IGF1R: variants seen among roughly 807,000 people sequenced by gnomAD.
IGF1R encodes insulin like growth factor 1 receptor.
IGF1R carries 44 observed loss-of-function variants against 144.6 expected under a neutral mutation model. The ratio of observed to expected loss-of-function variants is 0.30; its 90% CI spans 0.24 to 0.39. The LOEUF (loss-of-function observed/expected upper bound fraction) is 0.39. Ranked by LOEUF, IGF1R falls within the 10% of genes least tolerant of loss-of-function variation. The pLI, the probability that IGF1R is intolerant of heterozygous loss-of-function variation, is 1.00. For missense variants in IGF1R, 1,355 were observed against 1,833.7 expected (o/e 0.74, Z 4.77); for synonymous variants, 795 against 722.8 (o/e 1.10, Z -1.60).
intron 2 of IGF1R, among the ~76,000 whole-genome samples, chr15:98,879,776 A>AT (rs1279539815): frequency 2.0e-5 from 3 of 152,172 alleles, no homozygotes; most frequent in African/African-American, 7.2e-5. Context: ...GAAAGTCAAA[A>AT]TTTATGAATG....
At chr15:98,804,052 T>C (rs1419784929) in intron 2 of IGF1R, among the ~76,000 whole-genome samples, 1 of 152,224 alleles carries the variant, frequency 6.6e-6, no homozygotes, top group Non-Finnish European at 1.5e-5. Flanking sequence ...ATAGGAATTT[T>C]CTAGCTATAT....
chr15:98,850,773 G>A (rs2011499094), intron 2 of IGF1R, among the ~76,000 whole-genome samples: 1 of 152,112 alleles, frequency 6.6e-6, no homozygotes, highest in African/African-American at 2.4e-5. Context: ...TAACATGTTA[G>A]CAAGAAACTA....
intron 1 of IGF1R, among the ~76,000 whole-genome samples, chr15:98,668,810 TC>T (rs2052810548): frequency 5.6e-5 from 1 of 17,790 alleles, no homozygotes; most frequent in Admixed American, 2.1e-3. Context: ...CCCTCCAGGG[TC>T]TGTTTTGTAA....
At position 98,923,981 on chromosome 15, in the gene IGF1R, T is replaced by C; in HGVS notation, c.2591T>C (p.Met864Thr). The C allele has an allele frequency of 1.2e-6, 2 of 1,614,184 alleles. No individual in the cohort carries two copies. The highest frequency in any genetic ancestry group is 1.7e-6 in the Non-Finnish European group (2 of 1,179,984). ...GAGAATCCCAATGGATTGATTCTAA[T>C]GTATGAAATAAAATACGGATCACAA... ...EPENPNGLILMYEIKYGSQVE... is the reference protein window; with the variant it reads ...EPENPNGLILTYEIKYGSQVE... Residue 864 changes from methionine (M) to threonine (T), a missense_variant, in exon 12 of 21, where the codon ATG becomes ACG. Met to Thr is a moderately conservative substitution (Grantham distance 81). Around this residue, in one of 7 missense-constraint regions of IGF1R, gnomAD observed 880 missense variants for 1,202.7 expected, o/e 0.73. Transcript: ENST00000650285.
chr15:98,784,046 C>T (rs1047532129), intron 2 of IGF1R, among the ~76,000 whole-genome samples: 2 of 129,826 alleles, frequency 1.5e-5, no homozygotes, highest in Non-Finnish European at 3.1e-5. Flanking sequence ...GCAGTCTCAG[C>T]TCACTGCAGC....
intron 2 of IGF1R, among the ~76,000 whole-genome samples, chr15:98,717,452 T>G (rs1237046901): frequency 2.6e-5 from 4 of 152,212 alleles, no homozygotes; most frequent in Non-Finnish European, 5.9e-5. Context: ...CCTTCTGTAT[T>G]GCTTTTCTAA....
chr15:98,664,073 C>T (rs936237049), intron 1 of IGF1R, among the ~76,000 whole-genome samples: 8 of 152,222 alleles, frequency 5.3e-5, no homozygotes, highest in African/African-American at 1.9e-4. Context: ...CTGCAAGAGA[C>T]TTCCTGGGAG....
chr15:98,657,365 G>A (rs1470686579), intron 1 of IGF1R, among the ~76,000 whole-genome samples: 1 of 152,196 alleles, frequency 6.6e-6, no homozygotes, highest in Non-Finnish European at 1.5e-5. Context: ...CTTACAAAGT[G>A]TTTTCTAAGT....
At chr15:98,742,695 G>T (rs62024529) in intron 2 of IGF1R, among the ~76,000 whole-genome samples, 1 of 152,176 alleles carries the variant, frequency 6.6e-6, no homozygotes, top group Non-Finnish European at 1.5e-5. Context: ...ATTTTGGACT[G>T]TTTCAAAGTG....
chr15:98,907,120 A>G (rs568781392), intron 5 of IGF1R, among the ~76,000 whole-genome samples: 5 of 152,344 alleles, frequency 3.3e-5, no homozygotes, highest in African/African-American at 9.6e-5. Flanking sequence ...GGATCTGCGC[A>G]TGGCTGTGCA....
rs780107818 is a variant in IGF1R at position 98,817,793 on chromosome 15, G to A, written c.641-73532G>A. ...AATAGTCTTCCATACTCAAGCTCTG[G>A]GGAGATCCCTTTCTCCTTTCACACC... On this transcript the variant is annotated intron_variant, in intron 2 of 20. Coordinates refer to ENST00000650285, the MANE Select transcript of IGF1R (RefSeq NM_000875.5). Among the ~76,000 whole-genome samples the A allele has an allele frequency of 7.6e-4, 116 of 152,122 alleles. 3 individuals carry two copies. Among genetic ancestry groups the A allele is most frequent in the Non-Finnish European group, 2.6e-4 (18 of 68,038 alleles).
intron 2 of IGF1R, among the ~76,000 whole-genome samples, chr15:98,830,748 T>A (rs1485776335): frequency 6.6e-6 from 1 of 152,018 alleles, no homozygotes; most frequent in East Asian, 1.9e-4. Context: ...GGATTACAGG[T>A]GTGCGCCACC....
intron 2 of IGF1R, among the ~76,000 whole-genome samples, chr15:98,744,986 T>C (rs1046927585): frequency 1.3e-5 from 2 of 152,208 alleles, no homozygotes; most frequent in Non-Finnish European, 2.9e-5. Context: ...CAGGATTGAA[T>C]CGTAGCCTTG....
At chr15:98,880,982 G>A (rs2013341870) in intron 2 of IGF1R, 1 of 152,188 alleles carries the variant, frequency 6.6e-6, no homozygotes, top group Non-Finnish European at 1.5e-5. Context: ...ATTAGATAAT[G>A]AGAGTGTATT....
chr15:98,812,269 G>C (rs967023616), intron 2 of IGF1R, among the ~76,000 whole-genome samples: 2 of 152,096 alleles, frequency 1.3e-5, no homozygotes, highest in African/African-American at 4.8e-5. Context: ...CTGGAGGTAG[G>C]AAAGTTCCTT....
chr15:98,833,710 T>C (rs1001838578), intron 2 of IGF1R, among the ~76,000 whole-genome samples: 1 of 152,208 alleles, frequency 6.6e-6, no homozygotes. Context: ...AATCATTCAT[T>C]TTGCATGTTT....
At chr15:98,901,422 G>T (rs1254697500) in intron 5 of IGF1R, among the ~76,000 whole-genome samples, 2 of 152,136 alleles carry the variant, frequency 1.3e-5, no homozygotes, top group African/African-American at 2.4e-5. Flanking sequence ...CTGTCTTCCT[G>T]GCCCATGACC....
intron 6 of IGF1R, 102 bp from the exon 7 acceptor site, chr15:98,911,213 A>C: frequency 7.2e-7 from 1 of 1,379,846 alleles, no homozygotes; most frequent in Middle Eastern, 1.8e-4. Context: ...AACTTAGCAT[A>C]TACAGCCAGC....
At chr15:98,765,835 C>G (rs1444701840) in intron 2 of IGF1R, among the ~76,000 whole-genome samples, 1 of 152,200 alleles carries the variant, frequency 6.6e-6, no homozygotes, top group Non-Finnish European at 1.5e-5. Context: ...CTGGAGTCAG[C>G]TGTGTTTGGC....
Sources: allele counts gnomAD v4.1 joint callset (sites outside exome capture counted in the v4.1 genomes callset), GRCh38; gene constraint gnomAD v4.1.1; regional missense constraint gnomAD v4.1.1; transcripts MANE v1.5; gene names NCBI Gene and HGNC (gene_info 2026-07-23, HGNC 2026-07-21).